The following CNBP variants were observed in gnomAD, a reference collection of about 807,000 sequenced individuals.
CNBP encodes CCHC-type zinc finger nucleic acid binding protein, also known as cellular nucleic acid-binding protein.
Under a neutral mutation model 21.2 loss-of-function variants are expected in CNBP, and 6 were observed. That is an observed-to-expected ratio of 0.28 (90% CI 0.16 to 0.56). CNBP has a LOEUF of 0.56. CNBP is among the 20% of genes least tolerant of loss of function. The probability of loss-of-function intolerance (pLI) is 0.93; values close to 1 mark genes in which losing one functional copy is unlikely to be tolerated. For synonymous variants in CNBP, 61 were observed against 74.9 expected (o/e 0.81, Z 0.96); for missense variants, 112 against 233.1 (o/e 0.48, Z 3.38).
intron 1 of CNBP, among the ~76,000 whole-genome samples, chr3:129,181,402 C>G (rs1421082019): frequency 1.3e-5 from 2 of 151,278 alleles, no homozygotes; most frequent in African/African-American, 4.9e-5. Flanking sequence ...GCCTGTAATC[C>G]TAGCACTTTG....
intron 1 of CNBP, among the ~76,000 whole-genome samples, chr3:129,183,300 G>T (rs886108600): frequency 1.3e-5 from 2 of 152,096 alleles, no homozygotes; most frequent in Non-Finnish European, 2.9e-5. Context: ...CCCGCCAGGC[G>T]CACGACCCCA....
At chr3:129,174,422 T>C (rs562518826) in intron 1 of CNBP, among the ~76,000 whole-genome samples, 2 of 147,856 alleles carry the variant, frequency 1.4e-5, no homozygotes, top group South Asian at 2.2e-4. Flanking sequence ...TCCCAGCACT[T>C]TGGGAGGCCG....
intron 1 of CNBP, among the ~76,000 whole-genome samples, chr3:129,181,588 C>G (rs1938296968): frequency 2.9e-5 from 4 of 138,240 alleles, no homozygotes; most frequent in African/African-American, 1.1e-4. Flanking sequence ...AGGCGGAGGT[C>G]GCAGTGAGCC....
In CNBP at chr3:129,168,505, G is replaced by C. The variant is rs1337189797; in HGVS notation, c.*1948C>G. 7.5e-6 allele frequency among the ~76,000 whole-genome samples: 1 copy of C among 134,012 alleles called. No homozygotes were observed. The highest frequency in any genetic ancestry group is 2.8e-5 in the African/African-American group (1 of 36,234). The allele number at this position is 134,012 out of a possible 152,430, so 87.9% of individuals were successfully genotyped here. On this transcript the variant is annotated 3_prime_UTR_variant, in exon 5 of 5. Transcript: ENST00000422453. ...CCAGCTATTTGGGAGGCTGAGGCAG[G>C]AGAATTACTTGAACGGGGTGTGGGG...
At chr3:129,180,272 G>A (rs1938208195) in intron 1 of CNBP, among the ~76,000 whole-genome samples, 1 of 151,874 alleles carries the variant, frequency 6.6e-6, no homozygotes, top group Admixed American at 6.6e-5. Flanking sequence ...AACTAATACT[G>A]ATAGCTTTTT....
At chr3:129,172,263 G>C (rs1937586172) in intron 1 of CNBP, among the ~76,000 whole-genome samples, 1 of 151,986 alleles carries the variant, frequency 6.6e-6, no homozygotes, top group African/African-American at 2.4e-5. Context: ...ACAGGGTTAG[G>C]GTCAATGAAA....
chr3:129,182,129 A>G (rs80254479), intron 1 of CNBP, among the ~76,000 whole-genome samples: 226 of 152,342 alleles, frequency 1.5e-3, no homozygotes, highest in Non-Finnish European at 2.7e-3. Flanking sequence ...GAACAAACAA[A>G]TAACATAAAA....
intron 1 of CNBP, among the ~76,000 whole-genome samples, chr3:129,173,053 G>A (rs1223488396): frequency 6.6e-6 from 1 of 152,124 alleles, no homozygotes; most frequent in Non-Finnish European, 1.5e-5. Flanking sequence ...GATGGTACAA[G>A]TACAGTAGGC....
chr3:129,183,113 G>C (rs1186124456), intron 1 of CNBP, among the ~76,000 whole-genome samples: 1 of 152,032 alleles, frequency 6.6e-6, no homozygotes, highest in Non-Finnish European at 1.5e-5. Context: ...ACCATGCCCG[G>C]CTAATTTTTT....
intron 1 of CNBP, among the ~76,000 whole-genome samples, chr3:129,176,764 T>C (rs1369513217): frequency 6.6e-6 from 1 of 152,198 alleles, no homozygotes; most frequent in Non-Finnish European, 1.5e-5. Context: ...GATCCACAAC[T>C]TTCAGCTTCT....
chr3:129,174,440 T>G (rs1194143919), intron 1 of CNBP, among the ~76,000 whole-genome samples: 1 of 138,642 alleles, frequency 7.2e-6, no homozygotes, highest in African/African-American at 2.8e-5. Context: ...CCGACGAGGA[T>G]GGTTCACCTG....
intron 4 of CNBP, 79 bp downstream of exon 4, chr3:129,171,000 G>T: frequency 7.1e-7 from 1 of 1,416,416 alleles, no homozygotes; most frequent in Non-Finnish European, 9.6e-7. Context: ...ATTTACTAAG[G>T]CCCTTCCATT....
chr3:129,172,632 G>C (rs57996191), intron 1 of CNBP, among the ~76,000 whole-genome samples: 3,416 of 43,480 alleles, frequency 0.079, 170 homozygotes, highest in East Asian at 0.24. Flanking sequence ...AGCCAGGCAG[G>C]CAGGCAGGCA....
Position 129,170,300 on chromosome 3 carries a change from G to T in CNBP, c.*153C>A, listed in dbSNP as rs1236819084. ...TTTTGTAGTTAAATGCAGAAAGTCGGTTTTTTTCCACCCCTTTCCTCCTTT... is the reference window on the plus strand; with the variant it reads ...TTTTGTAGTTAAATGCAGAAAGTCGTTTTTTTTCCACCCCTTTCCTCCTTT... On this transcript the variant is annotated 3_prime_UTR_variant, in exon 5 of 5. Coordinates refer to ENST00000422453, the MANE Select transcript of CNBP (RefSeq NM_003418.5). The T allele has an allele frequency of 6.0e-6, 4 of 667,084 alleles. No homozygotes were observed. Among genetic ancestry groups the T allele is most frequent in the African/African-American group, 5.4e-5 (3 of 55,302 alleles). The allele number at this position is 667,084 out of a possible 1,614,324, so 41.3% of individuals were successfully genotyped here. A position where few individuals can be genotyped will look rare whatever the true frequency, so the allele number is the denominator to read the frequency against.
chr3:129,171,395 T>C (rs1190894780), intron 3 of CNBP, 51 bp downstream of exon 3: 8 of 1,586,844 alleles, frequency 5.0e-6, no homozygotes, highest in Non-Finnish European at 6.9e-6. Flanking sequence ...TTGCATGTGC[T>C]CACCTCTCCA....
At chr3:129,178,482 G>A (rs1938073179) in intron 1 of CNBP, among the ~76,000 whole-genome samples, 1 of 152,128 alleles carries the variant, frequency 6.6e-6, no homozygotes, top group South Asian at 2.1e-4. Context: ...AGGCAAGTTG[G>A]AGATAAAAAT....
rs551895830 is a variant in CNBP at position 129,169,101 on chromosome 3, CA to C, written c.*1351del. Among the ~76,000 whole-genome samples, 2 of 145,854 alleles carry C rather than the reference CA, an allele frequency of 1.4e-5. No homozygotes were observed. The highest frequency in any genetic ancestry group is 6.8e-5 in the Admixed American group (1 of 14,662). ...TGGGCAACAGAGCGACACTCTGTCT[CA>C]AAAAAAAATAAAAAAATAAAATAAA... On this transcript the variant is annotated 3_prime_UTR_variant, in exon 5 of 5. Coordinates refer to ENST00000422453, the MANE Select transcript of CNBP (RefSeq NM_003418.5).
rs1325972761 is a variant in CNBP, at chr3:129,171,317, A to T, written c.218-40T>A. 6.2e-6 allele frequency: 10 copies of T among 1,611,360 alleles called. No homozygotes were observed. In the Admixed American group the frequency reaches 1.7e-4, roughly 27 times the overall value. On this transcript the variant is annotated intron_variant, in intron 3 of 4. Coordinates refer to ENST00000422453, the MANE Select transcript of CNBP (RefSeq NM_003418.5). ...AAAAGAAACAGGCCAAGACTATAAA[A>T]CCTTTACAAAGTGTTACGTTTTAAA... is the stretch of plus-strand genomic sequence containing the variant.
chr3:129,183,804 C>A lies in CNBP; in HGVS notation c.-43G>T, dbSNP rs979332629. ...CCGCGTCGGAGCGGGCCCGCAGCGG[C>A]GGAGACTCGGACGCAGGCCTGGGGA... On this transcript the variant is annotated 5_prime_UTR_variant, in exon 1 of 5. Coordinates refer to ENST00000422453, the MANE Select transcript of CNBP (RefSeq NM_003418.5). The A allele has an allele frequency of 2.6e-5, 4 of 152,914 alleles. No homozygotes were observed. The highest frequency in any genetic ancestry group is 9.6e-5 in the African/African-American group (4 of 41,478). 9.5% of individuals were successfully genotyped at this position (152,914 alleles called of 1,614,324 possible). A position where few individuals can be genotyped will look rare whatever the true frequency, so the allele number is the denominator to read the frequency against.
Sources: gnomAD v4.1 joint callset for allele counts (sites outside exome capture counted in the v4.1 genomes callset) on GRCh38, gnomAD v4.1.1 for gene constraint, MANE v1.5 for transcripts, NCBI Gene and HGNC (gene_info 2026-07-23, HGNC 2026-07-21) for gene names.